The following DPP10 variants were observed in gnomAD, a reference collection of about 807,000 sequenced individuals.
DPP10 encodes the protein dipeptidyl peptidase like 10, also known as inactive dipeptidyl peptidase 10.
A neutral mutation model predicts 120.9 loss-of-function variants in DPP10; 33 were observed. That is an observed-to-expected ratio of 0.27 (90% CI 0.21 to 0.37). The LOEUF is 0.37. Ranked by LOEUF, DPP10 falls within the 10% of genes least tolerant of loss-of-function variation. The pLI is 1.00. For missense variants in DPP10, 816 were observed against 942.8 expected, an observed-to-expected ratio of 0.87 and a Z score of 1.76; for synonymous variants, 337 against 326.1, an observed-to-expected ratio of 1.03 and a Z score of -0.36.
intron 1 of DPP10, among the ~76,000 whole-genome samples, chr2:114,912,119 G>A (rs1694414150): frequency 6.6e-6 from 1 of 151,946 alleles, no homozygotes; most frequent in Non-Finnish European, 1.5e-5. Context: ...CCTCATCTTA[G>A]ATACATACAT....
intron 7 of DPP10, among the ~76,000 whole-genome samples, chr2:115,700,016 T>TAAAA (rs2091814830): frequency 2.0e-5 from 3 of 152,172 alleles, no homozygotes; most frequent in Non-Finnish European, 4.4e-5. Flanking sequence ...TGGGAAGGCC[T>TAAAA]CAGGAAACTT....
chr2:114,913,222 A>T (rs1428592059), intron 1 of DPP10, among the ~76,000 whole-genome samples: 1 of 152,184 alleles, frequency 6.6e-6, no homozygotes, highest in African/African-American at 2.4e-5. Context: ...ACCCATGCAC[A>T]GCCTTCCCCC....
At chr2:115,287,240 A>T (rs1051942863) in intron 1 of DPP10, among the ~76,000 whole-genome samples, 1 of 152,026 alleles carries the variant, frequency 6.6e-6, no homozygotes, top group Non-Finnish European at 1.5e-5. Flanking sequence ...GTAATAGTCG[A>T]GTCATTTGAG....
chr2:115,812,326 C>T (rs1399931607), intron 19 of DPP10, among the ~76,000 whole-genome samples: 1 of 152,150 alleles, frequency 6.6e-6, no homozygotes, highest in African/African-American at 2.4e-5. Flanking sequence ...TTTTAAACTT[C>T]ATCTATTTTC....
chr2:114,858,151 G>A (rs1039912507), intron 1 of DPP10, among the ~76,000 whole-genome samples: 20 of 151,900 alleles, frequency 1.3e-4, no homozygotes, highest in Non-Finnish European at 2.4e-4. Context: ...CGCCACACTC[G>A]GCTAATTTTT....
Position 115,762,564 on chromosome 2 carries a change from T to G in DPP10, c.1075-8T>G. 1 of 1,613,628 alleles carries G rather than the reference T, an allele frequency of 6.2e-7. No individual in the cohort carries two copies. Among genetic ancestry groups the G allele is most frequent in the Non-Finnish European group, 8.5e-7 (1 of 1,179,878 alleles). ...AGATGCTTCATGGAGTTAATTGTTT[T>G]GTTTCAGAAATATGAGATGACATCA... On this transcript the variant is annotated splice_region_variant and splice_polypyrimidine_tract_variant and intron_variant, in intron 11 of 25. Coordinates refer to ENST00000410059, the MANE Select transcript of DPP10 (RefSeq NM_020868.6).
chr2:114,893,886 C>T (rs997158737), intron 1 of DPP10, among the ~76,000 whole-genome samples: 3 of 152,130 alleles, frequency 2.0e-5, no homozygotes, highest in Admixed American at 6.5e-5. Flanking sequence ...TGTGCAACTT[C>T]GCTAGAATTA....
At chr2:114,826,023 T>C (rs140753154) in intron 1 of DPP10, among the ~76,000 whole-genome samples, 76 of 152,296 alleles carry the variant, frequency 5.0e-4, no homozygotes, top group African/African-American at 1.4e-3. Flanking sequence ...CTGCAATAAT[T>C]CTGACAAACT....
chr2:115,013,215 G>T (rs6720401), intron 1 of DPP10, among the ~76,000 whole-genome samples: 9,624 of 152,154 alleles, frequency 0.063, 423 homozygotes, highest in Middle Eastern at 0.13. Context: ...CTCACCGTTT[G>T]TTTTTCTGTA....
chr2:114,529,083 C>A (rs1685742161), intron 1 of DPP10, among the ~76,000 whole-genome samples: 1 of 152,116 alleles, frequency 6.6e-6, no homozygotes, highest in Non-Finnish European at 1.5e-5. Flanking sequence ...TTATCTCCAT[C>A]TCTTGCTTTG....
At chr2:114,872,362 C>T (rs941424006) in intron 1 of DPP10, among the ~76,000 whole-genome samples, 5 of 152,122 alleles carry the variant, frequency 3.3e-5, no homozygotes, top group African/African-American at 4.8e-5. Context: ...CATAGGGGAA[C>T]ACCCCCATGA....
intron 1 of DPP10, among the ~76,000 whole-genome samples, chr2:114,788,282 C>T (rs1026475964): frequency 2.0e-5 from 3 of 151,888 alleles, no homozygotes; most frequent in South Asian, 2.1e-4. Flanking sequence ...TTTTTAATAT[C>T]GAGAAATGCC....
At chr2:114,501,933 C>CTTTTT (rs34369425) in intron 1 of DPP10, among the ~76,000 whole-genome samples, 4,182 of 93,790 alleles carry the variant, frequency 0.045, 330 homozygotes, top group African/African-American at 0.15. Flanking sequence ...ATTGATATTC[C>CTTTTT]TTTTTTTTTT....
chr2:114,549,671 A>T (rs1192160724), intron 1 of DPP10, among the ~76,000 whole-genome samples: 1 of 103,170 alleles, frequency 9.7e-6, no homozygotes, highest in Admixed American at 1.3e-4. Flanking sequence ...AACAAAAAAA[A>T]AAAAAAAAAA....
At chr2:115,477,293 T>C (rs898446606) in intron 3 of DPP10, among the ~76,000 whole-genome samples, 6 of 152,098 alleles carry the variant, frequency 3.9e-5, no homozygotes, top group Non-Finnish European at 8.8e-5. Context: ...TTAGAACTAA[T>C]TAAAAACAAT....
intron 1 of DPP10, among the ~76,000 whole-genome samples, chr2:114,692,585 T>C (rs1389421304): frequency 6.6e-6 from 1 of 152,118 alleles, no homozygotes; most frequent in Non-Finnish European, 1.5e-5. Context: ...TCTGTAGGTA[T>C]ATATCAGGTC....
chr2:114,712,392 G>C (rs1054476563), intron 1 of DPP10, among the ~76,000 whole-genome samples: 1 of 152,276 alleles, frequency 6.6e-6, no homozygotes, highest in East Asian at 1.9e-4. Context: ...AATCCATAAA[G>C]CTGATATTTT....
At chr2:115,504,675 G>A (rs192682682) in intron 4 of DPP10, among the ~76,000 whole-genome samples, 1 of 152,174 alleles carries the variant, frequency 6.6e-6, no homozygotes, top group East Asian at 1.9e-4. Context: ...ACATGTTTCA[G>A]CAAAGATTGG....
At chr2:115,420,468 A>G (rs2069837938) in intron 3 of DPP10, among the ~76,000 whole-genome samples, 4 of 152,154 alleles carry the variant, frequency 2.6e-5, no homozygotes, top group Admixed American at 2.6e-4. Context: ...CTTCAGATTT[A>G]TGGCTCAAAA....
Sources: allele counts gnomAD v4.1 joint callset (sites outside exome capture counted in the v4.1 genomes callset), GRCh38; gene constraint gnomAD v4.1.1; transcripts MANE v1.5; gene names NCBI Gene and HGNC (gene_info 2026-07-23, HGNC 2026-07-21).